The following MRPS5 variants were observed in gnomAD, a reference collection of about 807,000 sequenced individuals.
MRPS5 encodes small ribosomal subunit protein uS5m.
MRPS5 carries 27 observed loss-of-function variants against 51.9 expected under a neutral mutation model. That is an observed-to-expected ratio of 0.52 (90% CI 0.38 to 0.72). The LOEUF is 0.72. Among genes scored for constraint, MRPS5 ranks in the 30% least tolerant of loss-of-function variants. The pLI is 0.00. For synonymous variants in MRPS5, 196 were observed against 193.2 expected (o/e 1.01, Z -0.12); for missense variants, 570 against 545.7 (o/e 1.04, Z -0.44).
At chr2:95,098,094 A>G (rs1229671354) in intron 10 of MRPS5, among the ~76,000 whole-genome samples, 1 of 152,248 alleles carries the variant, frequency 6.6e-6, no homozygotes, top group East Asian at 1.9e-4. Flanking sequence ...AGACACATGA[A>G]AAAATGCTCA....
chr2:95,106,875 A>G (rs1466369380), intron 5 of MRPS5, among the ~76,000 whole-genome samples: 1 of 152,084 alleles, frequency 6.6e-6, no homozygotes, highest in Non-Finnish European at 1.5e-5. Flanking sequence ...GAATCCATGC[A>G]GCTCTCTGGC....
chr2:95,098,019 C>G (rs1302106696), intron 10 of MRPS5, among the ~76,000 whole-genome samples: 1 of 152,142 alleles, frequency 6.6e-6, no homozygotes, highest in Admixed American at 6.5e-5. Context: ...TCAAACTACC[C>G]CATCAAAAAG....
At chr2:95,112,329 C>T (rs1409447936) in intron 3 of MRPS5, among the ~76,000 whole-genome samples, 5 of 152,128 alleles carry the variant, frequency 3.3e-5, no homozygotes, top group African/African-American at 4.8e-5. Context: ...CCTCCCAAAG[C>T]GCTAGGATTA....
intron 10 of MRPS5, chr2:95,090,816 T>C: frequency 3.1e-6 from 1 of 319,014 alleles, no homozygotes; most frequent in East Asian, 6.3e-5. Context: ...TGAAAATTCT[T>C]GGCACCCCAG....
chr2:95,121,420 C>A (rs1251452977), intron 1 of MRPS5, among the ~76,000 whole-genome samples: 1 of 152,174 alleles, frequency 6.6e-6, no homozygotes, highest in African/African-American at 2.4e-5. Flanking sequence ...GGGGGTCGCA[C>A]GCGCCCCAAA....
At chr2:95,121,859 C>T (rs1676468055), upstream of MRPS5, 2 of 1,462,336 alleles carry the variant, frequency 1.4e-6, no homozygotes, top group East Asian at 5.5e-5. Context: ...CGCGACTGCT[C>T]CTCGTCAAAC....
At chr2:95,106,359 T>TGCCAGCCCCCC in intron 6 of MRPS5, 64 bp downstream of exon 6, 1 of 835,264 alleles carries the variant, frequency 1.2e-6, no homozygotes, top group Admixed American at 1.7e-5. Context: ...TCTTGCCCTG[T>TGCCAGCCCCCC]CCCTGCCCCA....
intron 10 of MRPS5, chr2:95,090,724 TAAG>T (rs1675440465): frequency 3.6e-6 from 2 of 550,376 alleles, no homozygotes; most frequent in Non-Finnish European, 6.5e-6. Flanking sequence ...CTACAAGGAT[TAAG>T]AAGATGACAT....
chr2:95,114,850 C>T (rs1331278265), intron 3 of MRPS5, among the ~76,000 whole-genome samples: 2 of 152,112 alleles, frequency 1.3e-5, no homozygotes, highest in Admixed American at 6.5e-5. Flanking sequence ...TCAGGTGCCC[C>T]AAACAAGGGG....
chr2:95,090,224 TG>T (rs1675421956), intron 11 of MRPS5, among the ~76,000 whole-genome samples, 161 bp downstream of exon 11: 1 of 140,604 alleles, frequency 7.1e-6, no homozygotes, highest in Non-Finnish European at 1.5e-5. Flanking sequence ...AACTTGTCAA[TG>T]GATTTAACTA....
chr2:95,114,120 CAA>C (rs1002543941), intron 3 of MRPS5, among the ~76,000 whole-genome samples: 720 of 43,026 alleles, frequency 0.017, no homozygotes, highest in Middle Eastern at 0.081. Flanking sequence ...CTCCATCTCC[CAA>C]AAAAAAAAAA....
At chr2:95,111,830 A>G (rs1171170463) in intron 3 of MRPS5, among the ~76,000 whole-genome samples, 1 of 152,154 alleles carries the variant, frequency 6.6e-6, no homozygotes, top group Non-Finnish European at 1.5e-5. Flanking sequence ...TTACATTGTG[A>G]GTCTTTTCCC....
At chr2:95,087,911 T>C (rs1339721014) in intron 11 of MRPS5, among the ~76,000 whole-genome samples, 2 of 151,628 alleles carry the variant, frequency 1.3e-5, no homozygotes, top group East Asian at 3.9e-4. Flanking sequence ...TAACTACCAA[T>C]TTACAGTAAA....
chr2:95,104,558 G>C (rs762083652), intron 7 of MRPS5, 82 bp downstream of exon 7: 11 of 1,431,816 alleles, frequency 7.7e-6, no homozygotes, highest in Non-Finnish European at 9.9e-6. Context: ...AGCAGCATGA[G>C]CCCATGGGCT....
intron 1 of MRPS5, 145 bp downstream of exon 1, chr2:95,121,589 G>T: frequency 1.1e-6 from 1 of 869,614 alleles, no homozygotes; most frequent in Non-Finnish European, 1.7e-6. Context: ...GTCACACAGC[G>T]GCTCCGGCGG....
rs370425989 is a variant in MRPS5, at chr2:95,094,501, A to G, written c.932-3979T>C. 2.6e-5 allele frequency among the ~76,000 whole-genome samples: 4 copies of G among 152,382 alleles called. No individual in the cohort carries two copies. In the East Asian group the frequency reaches 5.8e-4, roughly 22 times the overall value. On this transcript the variant is annotated intron_variant, in intron 10 of 11. Transcript: ENST00000272418. ...GCCAGAGAGAAAGGTCGGGTTATCCACAAAGGGAAGCCCATCAGACTAACA... is the reference window on the plus strand; with the variant it reads ...GCCAGAGAGAAAGGTCGGGTTATCCGCAAAGGGAAGCCCATCAGACTAACA...
At chr2:95,113,290 C>T (rs1676181085) in intron 3 of MRPS5, among the ~76,000 whole-genome samples, 1 of 151,948 alleles carries the variant, frequency 6.6e-6, no homozygotes, top group African/African-American at 2.4e-5. Flanking sequence ...TCCTGGCTAA[C>T]ACGGTGAAAC....
intron 10 of MRPS5, among the ~76,000 whole-genome samples, chr2:95,099,052 G>T (rs1468327519): frequency 6.6e-6 from 1 of 150,956 alleles, no homozygotes; most frequent in African/African-American, 2.4e-5. Context: ...CCGAGTAGCT[G>T]GGACTACAGG....
At chr2:95,113,990 C>T (rs942698443) in intron 3 of MRPS5, among the ~76,000 whole-genome samples, 35 of 151,098 alleles carry the variant, frequency 2.3e-4, no homozygotes, top group African/African-American at 7.5e-4. Flanking sequence ...TGTGGTGGCA[C>T]GCCCCTGTAG....
Sources: allele counts gnomAD v4.1 joint callset (sites outside exome capture counted in the v4.1 genomes callset), GRCh38; gene constraint gnomAD v4.1.1; transcripts MANE v1.5; gene names NCBI Gene and HGNC (gene_info 2026-07-23, HGNC 2026-07-21).